AXDND1: variants seen among roughly 807,000 people sequenced by gnomAD.
AXDND1 encodes axonemal dynein light chain domain-containing protein 1.
A neutral mutation model predicts 137.5 loss-of-function variants in AXDND1; 110 were observed. The observed-to-expected ratio is 0.80, with a 90% confidence interval of 0.69 to 0.94. AXDND1 has a LOEUF of 0.94. AXDND1 is among the 40% of genes least tolerant of loss of function. AXDND1 has a pLI of 0.00. For missense variants in AXDND1, 1,191 were observed against 1,169.8 expected (o/e 1.02, Z -0.26); for synonymous variants, 414 against 399.7 (o/e 1.04, Z -0.43).
intron 15 of AXDND1, among the ~76,000 whole-genome samples, chr1:179,432,616 A>C (rs2125317850): frequency 6.6e-6 from 1 of 152,270 alleles, no homozygotes; most frequent in East Asian, 1.9e-4. Context: ...AGTAGATACA[A>C]GGTTTCACCA....
At chr1:179,469,774 C>A (rs2125486109) in intron 17 of AXDND1, among the ~76,000 whole-genome samples, 1 of 152,286 alleles carries the variant, frequency 6.6e-6, no homozygotes, top group Non-Finnish European at 1.5e-5. Context: ...TCCCTAATGA[C>A]AAATGATGTG....
At chr1:179,480,715 T>C (rs1665259411) in intron 17 of AXDND1, among the ~76,000 whole-genome samples, 1 of 152,010 alleles carries the variant, frequency 6.6e-6, no homozygotes, top group Admixed American at 6.6e-5. Context: ...TGTAGCAACT[T>C]TGGTTGCTAC....
intron 11 of AXDND1, among the ~76,000 whole-genome samples, chr1:179,404,550 A>C (rs1454673330): frequency 6.6e-6 from 1 of 152,112 alleles, no homozygotes; most frequent in Non-Finnish European, 1.5e-5. Flanking sequence ...ACAAATCTCC[A>C]AAAAATGTTC....
At chr1:179,381,110 G>A (rs921346582) in intron 6 of AXDND1, among the ~76,000 whole-genome samples, 7 of 145,206 alleles carry the variant, frequency 4.8e-5, no homozygotes, top group African/African-American at 1.0e-4. Flanking sequence ...GCATGATCTC[G>A]GCTCACTGCA....
At chr1:179,419,385 G>C (rs980483416) in intron 12 of AXDND1, among the ~76,000 whole-genome samples, 6 of 150,584 alleles carry the variant, frequency 4.0e-5, no homozygotes, top group African/African-American at 1.5e-4. Flanking sequence ...GCCAAGGCTG[G>C]CGGATCACTC....
intron 25 of AXDND1, among the ~76,000 whole-genome samples, chr1:179,541,737 A>G (rs906945343): frequency 6.6e-6 from 1 of 151,982 alleles, no homozygotes; most frequent in Admixed American, 6.6e-5. Flanking sequence ...TAATAATTTC[A>G]CACGTGAGAA....
intron 16 of AXDND1, 68 bp downstream of exon 16, chr1:179,445,272 C>A: frequency 2.8e-6 from 3 of 1,076,602 alleles, no homozygotes; most frequent in Non-Finnish European, 2.6e-6. Context: ...ATTTTCAATA[C>A]AATGAATATT....
chr1:179,397,302 A>C (rs1651212060), intron 11 of AXDND1, among the ~76,000 whole-genome samples: 1 of 152,138 alleles, frequency 6.6e-6, no homozygotes, highest in Non-Finnish European at 1.5e-5. Flanking sequence ...AAGAATGTTG[A>C]ATATTGGCTT....
chr1:179,448,439 A>C, intron 16 of AXDND1: 1 of 541,608 alleles, frequency 1.8e-6, no homozygotes, highest in Non-Finnish European at 3.4e-6. Flanking sequence ...CTTCTGCACC[A>C]TTTTCAGCCA....
At chr1:179,533,909 T>A (rs369260889) in intron 24 of AXDND1, 32 bp downstream of exon 24, 210 of 1,581,922 alleles carry the variant, frequency 1.3e-4, no homozygotes, top group Non-Finnish European at 1.7e-4. Flanking sequence ...GGTAAGAGGA[T>A]GAAAATGGCT....
chr1:179,417,433 C>G (rs1196252678), intron 12 of AXDND1, among the ~76,000 whole-genome samples: 1 of 152,082 alleles, frequency 6.6e-6, no homozygotes, highest in African/African-American at 2.4e-5. Flanking sequence ...AAACCAATGT[C>G]CTAGAGTGTT....
chr1:179,398,166 C>T (rs12760534), intron 11 of AXDND1, among the ~76,000 whole-genome samples: 44,285 of 151,788 alleles, frequency 0.29, 6,656 homozygotes, highest in Non-Finnish European at 0.31. Context: ...GTGTTTTTTT[C>T]CCCTTTTATC....
At chr1:179,385,096 G>A (rs1346901992) in intron 8 of AXDND1, 142 bp from the exon 9 acceptor site, 4 of 754,404 alleles carry the variant, frequency 5.3e-6, no homozygotes, top group East Asian at 5.5e-5. Context: ...TATCACTTTT[G>A]TATATATATA....
chr1:179,427,077 A>G (rs917742119), intron 12 of AXDND1, among the ~76,000 whole-genome samples: 1 of 152,046 alleles, frequency 6.6e-6, no homozygotes, highest in Non-Finnish European at 1.5e-5. Flanking sequence ...GGCAGGAGAA[A>G]CACTTGAACC....
intron 12 of AXDND1, among the ~76,000 whole-genome samples, chr1:179,412,064 T>C (rs113634219): frequency 1.4e-4 from 21 of 152,212 alleles, no homozygotes; most frequent in African/African-American, 4.6e-4. Flanking sequence ...TTGCCCTGGA[T>C]AGTCTTGAAC....
At chr1:179,406,095 C>A (rs539097014) in intron 11 of AXDND1, among the ~76,000 whole-genome samples, 1 of 152,220 alleles carries the variant, frequency 6.6e-6, no homozygotes, top group Non-Finnish European at 1.5e-5. Context: ...AAATTTTCTT[C>A]TTAATGTATT....
chr1:179,446,611 G>A (rs1338568774), intron 16 of AXDND1, among the ~76,000 whole-genome samples: 1 of 152,050 alleles, frequency 6.6e-6, no homozygotes, highest in African/African-American at 2.4e-5. Flanking sequence ...GTCCTTTATT[G>A]GGAGTCCATT....
chr1:179,462,377 T>G (rs1311420496), intron 16 of AXDND1, among the ~76,000 whole-genome samples: 1 of 152,248 alleles, frequency 6.6e-6, no homozygotes, highest in African/African-American at 2.4e-5. Context: ...GAGCCAGCCT[T>G]GAATCCCAGG....
chr1:179,367,292 C>T (rs1002584941), intron 2 of AXDND1, among the ~76,000 whole-genome samples: 1 of 151,930 alleles, frequency 6.6e-6, no homozygotes, highest in African/African-American at 2.4e-5. Flanking sequence ...CTGAGGCTGG[C>T]GGATCACGAG....
Sources: allele counts gnomAD v4.1 joint callset (sites outside exome capture counted in the v4.1 genomes callset), GRCh38; gene constraint gnomAD v4.1.1; transcripts MANE v1.5; gene names NCBI Gene and HGNC (gene_info 2026-07-23, HGNC 2026-07-21).